GSE1: variants seen among roughly 807,000 people sequenced by gnomAD.
GSE1 encodes genetic suppressor element 1.
Under a neutral mutation model 112.6 loss-of-function variants are expected in GSE1, and 32 were observed. The ratio of observed to expected loss-of-function variants is 0.28; its 90% CI spans 0.21 to 0.38. GSE1 has a LOEUF of 0.38. Among genes scored for constraint, GSE1 ranks in the 10% least tolerant of loss-of-function variants. GSE1 has a pLI of 1.00. For synonymous variants in GSE1, 1,115 were observed against 735.6 expected, an observed-to-expected ratio of 1.52 and a Z score of -8.35; for missense variants, 2,348 against 1,699.2, an observed-to-expected ratio of 1.38 and a Z score of -6.71.
intron 1 of GSE1, among the ~76,000 whole-genome samples, chr16:85,573,031 AG>A (rs2046073706): frequency 6.6e-6 from 1 of 152,112 alleles, no homozygotes; most frequent in South Asian, 2.1e-4. Context: ...CACCACACCT[AG>A]CTAATTTTTG....
At chr16:85,172,135 C>T (rs550485000) in intron 1 of GSE1, among the ~76,000 whole-genome samples, 277 of 152,196 alleles carry the variant, frequency 1.8e-3, no homozygotes, top group Non-Finnish European at 2.9e-3. Flanking sequence ...AGAGGAAGTT[C>T]GGGGCATGTC....
intron 2 of GSE1, among the ~76,000 whole-genome samples, chr16:85,461,491 G>A (rs2049965783): frequency 6.6e-6 from 1 of 152,152 alleles, no homozygotes; most frequent in African/African-American, 2.4e-5. Context: ...CATTGGTCTG[G>A]GGGCAGGCCC....
chr16:85,462,959 C>T (rs1353598193), intron 2 of GSE1: 1 of 238,362 alleles, frequency 4.2e-6, no homozygotes, highest in Non-Finnish European at 6.8e-6. Flanking sequence ...CCCCGTCTCC[C>T]CCGCCCCCTC....
In GSE1 at chr16:85,469,048, A is replaced by T. The variant is rs1330951315; in HGVS notation, c.2464+111405A>T. On this transcript the variant is annotated intron_variant, in intron 2 of 2. Coordinates refer to the GSE1 transcript ENST00000637419. ...GGCAGGTGGATCACCTGAGGTCAGGAGTTCAAGACCAGCCCGGCCAATGTG... is the reference window on the plus strand; with the variant it reads ...GGCAGGTGGATCACCTGAGGTCAGGTGTTCAAGACCAGCCCGGCCAATGTG... Among the ~76,000 whole-genome samples, 5 of 152,264 alleles carry T rather than the reference A, an allele frequency of 3.3e-5. No homozygotes were observed. In the East Asian group the frequency reaches 7.7e-4, roughly 24 times the overall value.
At chr16:85,441,695 G>A (rs538003412) in intron 2 of GSE1, among the ~76,000 whole-genome samples, 7 of 152,312 alleles carry the variant, frequency 4.6e-5, no homozygotes, top group Admixed American at 4.6e-4. Context: ...TTTGAGCTGG[G>A]TCTTGAGGGG....
chr16:85,352,561 T>C (rs751418220), intron 1 of GSE1, among the ~76,000 whole-genome samples: 6 of 152,148 alleles, frequency 3.9e-5, no homozygotes, highest in Non-Finnish European at 8.8e-5. Context: ...TTCCTGGCCC[T>C]GGTAGAGAAG....
chr16:85,381,471 T>C (rs2047544339), intron 2 of GSE1, among the ~76,000 whole-genome samples: 1 of 152,222 alleles, frequency 6.6e-6, no homozygotes, highest in African/African-American at 2.4e-5. Flanking sequence ...GGTATAGATC[T>C]CCACAGAGGG....
At chr16:85,454,700 T>C (rs1308234856) in intron 2 of GSE1, among the ~76,000 whole-genome samples, 1 of 152,160 alleles carries the variant, frequency 6.6e-6, no homozygotes, top group African/African-American at 2.4e-5. Context: ...CTGCTGGCGG[T>C]GCCGGCCATG....
chr16:85,527,600 G>T (rs914446541), intron 2 of GSE1, among the ~76,000 whole-genome samples: 43 of 152,398 alleles, frequency 2.8e-4, no homozygotes, highest in Non-Finnish European at 5.9e-4. Context: ...GGCTTGCAGC[G>T]GTGAATGGGT....
intron 2 of GSE1, among the ~76,000 whole-genome samples, chr16:85,495,336 G>T (rs1048213070): frequency 9.2e-5 from 14 of 152,236 alleles, no homozygotes; most frequent in African/African-American, 2.9e-4. Context: ...TTCGGTAGCG[G>T]CAGCGTGAGC....
intron 1 of GSE1, among the ~76,000 whole-genome samples, chr16:85,571,969 A>G (rs1024494382): frequency 6.6e-6 from 1 of 152,198 alleles, no homozygotes; most frequent in Non-Finnish European, 1.5e-5. Flanking sequence ...TGTGGGGACC[A>G]GGTGGACCCT....
intron 2 of GSE1, among the ~76,000 whole-genome samples, chr16:85,452,877 G>A (rs2049724898): frequency 6.6e-6 from 1 of 152,164 alleles, no homozygotes; most frequent in African/African-American, 2.4e-5. Context: ...CTAGGTGAGT[G>A]CTGCAGTGCT....
chr16:85,269,275 A>T (rs575140869), intron 1 of GSE1, among the ~76,000 whole-genome samples: 1 of 149,598 alleles, frequency 6.7e-6, no homozygotes, highest in East Asian at 1.9e-4. Context: ...CTGGGGGAGC[A>T]TCCCACGTCC....
intron 1 of GSE1, chr16:85,582,229 C>T (rs935023085): frequency 2.0e-5 from 3 of 152,214 alleles, no homozygotes; most frequent in East Asian, 1.9e-4. Flanking sequence ...CATTGCCCCT[C>T]CTCCCCCGAG....
At chr16:85,248,359 T>C (rs1906091708) in intron 1 of GSE1, among the ~76,000 whole-genome samples, 1 of 152,184 alleles carries the variant, frequency 6.6e-6, no homozygotes, top group South Asian at 2.1e-4. Flanking sequence ...TCTGTCTTTC[T>C]CTCTCCTTTT....
At chr16:85,635,195 G>A (rs931126798) in intron 2 of GSE1, among the ~76,000 whole-genome samples, 135 of 152,138 alleles carry the variant, frequency 8.9e-4, no homozygotes, top group Non-Finnish European at 1.6e-3. Flanking sequence ...GCTGCTGCTC[G>A]TTGGAGAATG....
At chr16:85,252,528 C>G (rs897018777) in intron 1 of GSE1, among the ~76,000 whole-genome samples, 8 of 152,262 alleles carry the variant, frequency 5.3e-5, no homozygotes, top group African/African-American at 1.2e-4. Flanking sequence ...CGCCAGCACT[C>G]TGGGGAACCC....
chr16:85,403,068 C>G (rs1029146867), intron 2 of GSE1, among the ~76,000 whole-genome samples: 1 of 139,108 alleles, frequency 7.2e-6, no homozygotes. Context: ...AGGATCTACT[C>G]CCAAGCCCTC....
intron 8 of GSE1, among the ~76,000 whole-genome samples, chr16:85,660,670 G>A (rs979375589): frequency 4.0e-5 from 6 of 151,802 alleles, no homozygotes; most frequent in South Asian, 2.1e-4. Flanking sequence ...TTGCTCTGTC[G>A]CCTAGGCTGG....
Sources: gnomAD v4.1 joint callset for allele counts (sites outside exome capture counted in the v4.1 genomes callset) on GRCh38, gnomAD v4.1.1 for gene constraint, MANE v1.5 for transcripts, NCBI Gene and HGNC (gene_info 2026-07-23, HGNC 2026-07-21) for gene names.